Variants in PDE7A observed in about 807,000 individuals in gnomAD.
PDE7A encodes phosphodiesterase 7A.
PDE7A carries 39 observed loss-of-function variants against 64.3 expected under a neutral mutation model. The ratio of observed to expected loss-of-function variants is 0.61; its 90% confidence interval spans 0.47 to 0.79. The LOEUF (loss-of-function observed/expected upper bound fraction) is 0.79. PDE7A is among the 30% of genes least tolerant of loss of function. The pLI, the probability that PDE7A is intolerant of heterozygous loss-of-function variation, is 0.00. For synonymous variants in PDE7A, 203 were observed against 206.8 expected, an observed-to-expected ratio of 0.98 and a Z score of 0.16; for missense variants, 470 against 582.8, an observed-to-expected ratio of 0.81 and a Z score of 1.99.
intron 2 of PDE7A, chr8:65,781,035 T>C (rs1181326915): frequency 3.3e-5 from 5 of 152,224 alleles, no homozygotes; most frequent in Non-Finnish European, 5.9e-5. Context: ...ATGAAGCTTA[T>C]CTTTTTGTGT....
At chr8:65,806,705 C>T (rs374588048) in intron 1 of PDE7A, among the ~76,000 whole-genome samples, 11 of 152,332 alleles carry the variant, frequency 7.2e-5, no homozygotes, top group East Asian at 3.9e-4. Context: ...TTGGGCTCTG[C>T]GCTGGCCTTC....
chr8:65,808,448 G>A (rs1810161323), intron 1 of PDE7A, among the ~76,000 whole-genome samples: 1 of 152,050 alleles, frequency 6.6e-6, no homozygotes, highest in South Asian at 2.1e-4. Context: ...TCAGAATATG[G>A]AAAATCACCG....
intron 1 of PDE7A, among the ~76,000 whole-genome samples, chr8:65,824,255 G>T (rs907741286): frequency 1.3e-5 from 2 of 152,094 alleles, no homozygotes; most frequent in African/African-American, 4.8e-5. Flanking sequence ...TGATACTATT[G>T]TAATTGTCTG....
intron 1 of PDE7A, among the ~76,000 whole-genome samples, chr8:65,835,006 T>G (rs1021819225): frequency 6.6e-6 from 1 of 152,168 alleles, no homozygotes; most frequent in African/African-American, 2.4e-5. Context: ...ATCACTTATT[T>G]GTGAATAACC....
chr8:65,763,464 C>G (rs982287641), intron 3 of PDE7A, among the ~76,000 whole-genome samples: 1 of 151,994 alleles, frequency 6.6e-6, no homozygotes, highest in Non-Finnish European at 1.5e-5. Context: ...ACTTAGGAGG[C>G]TGAGGCAGGA....
chr8:65,771,884 C>CAAAAAAAAA (rs36101490), intron 3 of PDE7A, among the ~76,000 whole-genome samples: 8 of 55,746 alleles, frequency 1.4e-4, no homozygotes, highest in Admixed American at 2.4e-4. Flanking sequence ...CTCCATCTCT[C>CAAAAAAAAA]AAAAAAAAAA....
Position 65,726,981 on chromosome 8 carries a change from G to A in PDE7A, c.829-15C>T, listed in dbSNP as rs199835248. The A allele has an allele frequency of 8.7e-5, 122 of 1,407,800 alleles. No individual in the cohort carries two copies. In the East Asian group the frequency reaches 2.4e-3, roughly 28 times the overall value. 87.2% of individuals were successfully genotyped at this position (1,407,800 alleles called of 1,614,324 possible). A position where few individuals can be genotyped will look rare whatever the true frequency, so the allele number is the denominator to read the frequency against. On this transcript the variant is annotated splice_polypyrimidine_tract_variant and intron_variant, in intron 8 of 12. Transcript: ENST00000401827. ...ACTGAGGTATTCTACAACAAAGGAC[G>A]TTTCTGAGTTACTTAATGATACGTC...
chr8:65,764,819 G>A (rs1808688012), intron 3 of PDE7A, among the ~76,000 whole-genome samples: 1 of 152,154 alleles, frequency 6.6e-6, no homozygotes, highest in African/African-American at 2.4e-5. Flanking sequence ...GAGGAACTAA[G>A]CGAAATTTAG....
chr8:65,747,752 A>T lies in PDE7A; in HGVS notation c.335T>A (p.Leu112Gln). ...AGATCTAAGATATCGCTGGAAACTT[A>T]GTAGCCTTCTGATATTCCTTGCAGA... ...SVSARNIRRL[L>Q]SFQRYLRSSR... The change falls in exon 4 of 13, where the codon CTA (leucine) becomes CAA (glutamine). Residue 112 changes from leucine to glutamine, a missense_variant. Physicochemically the swap from Leu to Gln is moderately radical, Grantham distance 113. Transcript: ENST00000401827. 1 of 1,610,316 alleles carries T rather than the reference A, an allele frequency of 6.2e-7. No homozygotes were observed. Among genetic ancestry groups the T allele is most frequent in the African/African-American group, 1.3e-5 (1 of 74,972 alleles).
intron 1 of PDE7A, among the ~76,000 whole-genome samples, chr8:65,840,575 G>A (rs73242942): frequency 0.02 from 3,114 of 152,316 alleles, 48 homozygotes; most frequent in African/African-American, 0.046. Context: ...ACTCAGTTCA[G>A]ATGTAAACAA....
chr8:65,772,867 G>T (rs973774447), intron 3 of PDE7A, among the ~76,000 whole-genome samples: 1 of 152,128 alleles, frequency 6.6e-6, no homozygotes. Context: ...AATTAGCCAG[G>T]TGTGGTGGCA....
chr8:65,719,218 C>G lies in PDE7A; in HGVS notation c.*72G>C, dbSNP rs1226514229. ...AACCTTGGCAGTCAAGAGTTAAGTTCTCTCACCTCAAGACCCCATTTCACA... is the reference window on the plus strand; with the variant it reads ...AACCTTGGCAGTCAAGAGTTAAGTTGTCTCACCTCAAGACCCCATTTCACA... On this transcript the variant is annotated 3_prime_UTR_variant, in exon 13 of 13. Transcript: ENST00000401827. 1 of 1,002,188 alleles carries G rather than the reference C, an allele frequency of 1.0e-6. No homozygotes were observed. Among genetic ancestry groups the G allele is most frequent in the Non-Finnish European group, 1.6e-6 (1 of 629,888 alleles). 62.1% of individuals were successfully genotyped at this position (1,002,188 alleles called of 1,614,324 possible). A position where few individuals can be genotyped will look rare whatever the true frequency, so the allele number is the denominator to read the frequency against.
chr8:65,745,653 C>T (rs866796857), intron 4 of PDE7A, among the ~76,000 whole-genome samples, 183 bp from the exon 5 acceptor site: 7 of 152,146 alleles, frequency 4.6e-5, no homozygotes, highest in Admixed American at 1.3e-4. Flanking sequence ...AAGGGATAAA[C>T]TCCATTTGAA....
At chr8:65,832,641 T>C (rs570036613) in intron 1 of PDE7A, among the ~76,000 whole-genome samples, 2 of 152,190 alleles carry the variant, frequency 1.3e-5, no homozygotes, top group East Asian at 3.9e-4. Context: ...CGTGTCACCA[T>C]GCCTGGCTAA....
At chr8:65,766,553 T>C (rs1195053650) in intron 3 of PDE7A, among the ~76,000 whole-genome samples, 3 of 152,194 alleles carry the variant, frequency 2.0e-5, no homozygotes, top group Admixed American at 6.5e-5. Flanking sequence ...TTAGAACACG[T>C]AGAAAGCTCT....
chr8:65,799,230 A>C (rs1217446628), intron 1 of PDE7A, among the ~76,000 whole-genome samples: 1 of 152,274 alleles, frequency 6.6e-6, no homozygotes, highest in Middle Eastern at 3.4e-3. Context: ...TATCCCTCAA[A>C]AAACTGAATT....
chr8:65,792,635 A>T (rs1467194539), intron 1 of PDE7A, among the ~76,000 whole-genome samples: 2 of 152,236 alleles, frequency 1.3e-5, no homozygotes, highest in African/African-American at 4.8e-5. Flanking sequence ...TCTGTAGAAA[A>T]CTATAACCAA....
rs1311946713 is a variant in PDE7A at position 65,716,526 on chromosome 8, A to G, written c.*2764T>C. Among the ~76,000 whole-genome samples the G allele has an allele frequency of 6.6e-6, 1 of 152,098 alleles. No homozygotes were observed. The highest frequency in any genetic ancestry group is 1.5e-5 in the Non-Finnish European group (1 of 68,008). ...CACAAACATGAATATCACAGAAGAC[A>G]TGGGTCTTCTGTGCACCCAAAGGGA... On this transcript the variant is annotated 3_prime_UTR_variant, in exon 13 of 13. Transcript: ENST00000401827.
rs970213562 is a variant in PDE7A at position 65,812,661 on chromosome 8, G to A, written c.138+28710C>T. ...CATTAGATAAAATATTGGTAATATT[G>A]TAATAAAACCTTATTTTTCTTATAT... On this transcript the variant is annotated intron_variant, in intron 1 of 12. Coordinates refer to ENST00000401827, the MANE Select transcript of PDE7A (RefSeq NM_001242318.3). Among the ~76,000 whole-genome samples the A allele has an allele frequency of 3.3e-5, 5 of 152,166 alleles. No homozygotes were observed. The East Asian group carries it at 9.6e-4, about 29-fold the overall frequency.
Sources: allele counts gnomAD v4.1 joint callset (sites outside exome capture counted in the v4.1 genomes callset), GRCh38; gene constraint gnomAD v4.1.1; transcripts MANE v1.5; gene names NCBI Gene and HGNC (gene_info 2026-07-23, HGNC 2026-07-21).